GCNT1: variants seen among roughly 807,000 people sequenced by gnomAD.
GCNT1 encodes glucosaminyl (N-acetyl) transferase 1, also known as beta-1,3-galactosyl-O-glycosyl-glycoprotein beta-1,6-N-acetylglucosaminyltransferase.
In GCNT1, 16 loss-of-function variants were observed where a neutral mutation model predicts 26.2. That is an observed-to-expected ratio of 0.61 (90% CI 0.41 to 0.93). GCNT1 has a LOEUF of 0.93. GCNT1 is among the 40% of genes least tolerant of loss of function. GCNT1 has a pLI of 0.00. For synonymous variants in GCNT1, 183 were observed against 190.8 expected (o/e 0.96, Z 0.34); for missense variants, 477 against 526.7 (o/e 0.91, Z 0.92).
At position 76,506,694 on chromosome 9, in the gene GCNT1, T is replaced by C. The variant is rs1587464226; in HGVS notation, c.*3026T>C. ...TTTTACAGGCAGTTACTGAGGCTCTTCCCAGATCTCAGTAAACAGCCACTC... is the reference window on the plus strand; with the variant it reads ...TTTTACAGGCAGTTACTGAGGCTCTCCCCAGATCTCAGTAAACAGCCACTC... On this transcript the variant is annotated 3_prime_UTR_variant, in exon 4 of 4. Coordinates refer to ENST00000376730, the MANE Select transcript of GCNT1 (RefSeq NM_001490.5). 1 of 167,198 alleles carries C rather than the reference T, an allele frequency of 6.0e-6. No homozygotes were observed. The highest frequency in any genetic ancestry group is 2.1e-4 in the South Asian group (1 of 4,820). The allele number at this position is 167,198 out of a possible 1,614,324, so 10.4% of individuals were successfully genotyped here. A position where few individuals can be genotyped will look rare whatever the true frequency, so the allele number is the denominator to read the frequency against.
chr9:76,489,166 C>T (rs79748886), intron 2 of GCNT1, among the ~76,000 whole-genome samples: 6,483 of 152,262 alleles, frequency 0.043, 429 homozygotes, highest in African/African-American at 0.15. Flanking sequence ...AAGGGAGCCT[C>T]TATCTAGAGA....
chr9:76,484,831 C>T (rs1417065202), intron 2 of GCNT1, among the ~76,000 whole-genome samples: 1 of 149,844 alleles, frequency 6.7e-6, no homozygotes, highest in African/African-American at 2.5e-5. Flanking sequence ...CTCTGTTACC[C>T]AGGCTGGAGT....
At chr9:76,467,897 GTTTTTTTTT>G (rs35387152) in intron 2 of GCNT1, among the ~76,000 whole-genome samples, 11 of 59,054 alleles carry the variant, frequency 1.9e-4, no homozygotes, top group African/African-American at 7.3e-4. Context: ...CTCTTTCAGT[GTTTTTTTTT>G]TTTTTTTTTT....
At chr9:76,453,386 G>A (rs79198248) in intron 1 of GCNT1, among the ~76,000 whole-genome samples, 1 of 152,284 alleles carries the variant, frequency 6.6e-6, no homozygotes, top group African/African-American at 2.4e-5. Flanking sequence ...GATGGGAAGG[G>A]AGAAGTCTTA....
upstream of GCNT1, among the ~76,000 whole-genome samples, chr9:76,454,842 C>CTTTTTTTTT (rs1183951605): frequency 1.5e-3 from 157 of 105,674 alleles, 3 homozygotes; most frequent in Non-Finnish European, 1.9e-3. Context: ...CTTTTCTTTT[C>CTTTTTTTTT]TTTTTTTTTT....
upstream of GCNT1, among the ~76,000 whole-genome samples, chr9:76,417,252 G>A (rs1397719506): frequency 6.6e-6 from 1 of 152,092 alleles, no homozygotes; most frequent in Non-Finnish European, 1.5e-5. Context: ...AGAGGTTATG[G>A]ACATAAAAAT....
At chr9:76,439,927 C>T (rs377129801), upstream of GCNT1, among the ~76,000 whole-genome samples, 146 of 151,920 alleles carry the variant, frequency 9.6e-4, no homozygotes, top group African/African-American at 3.4e-3. Flanking sequence ...CGGTGAAACC[C>T]TGTCTCTACT....
intron 2 of GCNT1, among the ~76,000 whole-genome samples, chr9:76,481,113 C>T (rs933637565): frequency 2.0e-5 from 3 of 152,048 alleles, no homozygotes; most frequent in African/African-American, 7.2e-5. Context: ...TGGCGTGTGC[C>T]TGTAATCCCA....
chr9:76,437,412 C>T (rs376017984), upstream of GCNT1, among the ~76,000 whole-genome samples: 3 of 152,286 alleles, frequency 2.0e-5, no homozygotes, highest in African/African-American at 4.8e-5. Context: ...CTTACTGCTA[C>T]GCTCCCACCA....
chr9:76,415,626 A>G (rs1286624003), upstream of GCNT1, among the ~76,000 whole-genome samples: 2 of 152,230 alleles, frequency 1.3e-5, no homozygotes, highest in Non-Finnish European at 2.9e-5. Context: ...TTTTCTATTT[A>G]CATAACCAGA....
chr9:76,439,684 T>C (rs1823456612), upstream of GCNT1, among the ~76,000 whole-genome samples: 1 of 152,238 alleles, frequency 6.6e-6, no homozygotes, highest in Admixed American at 6.5e-5. Flanking sequence ...TTGAATTCTT[T>C]GAAAACAGTG....
At chr9:76,479,331 C>T (rs559350936) in intron 2 of GCNT1, among the ~76,000 whole-genome samples, 1 of 152,228 alleles carries the variant, frequency 6.6e-6, no homozygotes, top group East Asian at 1.9e-4. Context: ...GTGCATGTGT[C>T]TTTCTTTATA....
chr9:76,443,894 A>AAAGGAAGAAAGAAAGAAAGG, intron 1 of GCNT1, among the ~76,000 whole-genome samples: 1 of 127,298 alleles, frequency 7.9e-6, no homozygotes, highest in African/African-American at 3.2e-5. Context: ...AGAAAGAAAG[A>AAAGGAAGAAAGAAAGAAAGG]AAGAAAGGAA....
At chr9:76,427,434 C>T (rs1229360174) in intron 1 of GCNT1, among the ~76,000 whole-genome samples, 1 of 152,100 alleles carries the variant, frequency 6.6e-6, no homozygotes, top group Non-Finnish European at 1.5e-5. Context: ...CCCGCCTCAG[C>T]CCCCCAAAGT....
chr9:76,477,655 C>G (rs1347234021), intron 2 of GCNT1, among the ~76,000 whole-genome samples: 1 of 152,126 alleles, frequency 6.6e-6, no homozygotes, highest in Non-Finnish European at 1.5e-5. Context: ...CTGAAAACTC[C>G]CAAGGTTAAA....
chr9:76,470,214 G>A (rs1824099579), intron 2 of GCNT1, among the ~76,000 whole-genome samples: 1 of 152,076 alleles, frequency 6.6e-6, no homozygotes, highest in African/African-American at 2.4e-5. Flanking sequence ...AAGGCAGTCT[G>A]AAAACTTGCT....
chr9:76,425,799 G>A (rs1823251867), intron 1 of GCNT1, among the ~76,000 whole-genome samples: 1 of 152,130 alleles, frequency 6.6e-6, no homozygotes, highest in South Asian at 2.1e-4. Context: ...GCGCTGATTG[G>A]TTGGGTCAGA....
At chr9:76,475,489 G>A (rs952425109) in intron 2 of GCNT1, among the ~76,000 whole-genome samples, 1 of 152,174 alleles carries the variant, frequency 6.6e-6, no homozygotes, top group Non-Finnish European at 1.5e-5. Flanking sequence ...ACATTTTTTG[G>A]GAGAAAGGAA....
chr9:76,483,986 CT>C (rs1824496458), intron 2 of GCNT1, among the ~76,000 whole-genome samples: 1 of 151,812 alleles, frequency 6.6e-6, no homozygotes, highest in Non-Finnish European at 1.5e-5. Context: ...GGCCTGAAAA[CT>C]TTTTTATTTC....
Sources: allele counts gnomAD v4.1 joint callset (sites outside exome capture counted in the v4.1 genomes callset), GRCh38; gene constraint gnomAD v4.1.1; transcripts MANE v1.5; gene names NCBI Gene and HGNC (gene_info 2026-07-23, HGNC 2026-07-21).